Variants in COL22A1 observed in about 807,000 individuals in gnomAD.
COL22A1 encodes collagen alpha-1(XXII) chain.
Under a neutral mutation model 248.9 loss-of-function variants are expected in COL22A1, and 221 were observed. The ratio of observed to expected loss-of-function variants is 0.89; its 90% CI spans 0.80 to 0.99. The LOEUF (loss-of-function observed/expected upper bound fraction) is 0.99, where lower values mean the gene tolerates loss of function less well. Ranked by LOEUF, COL22A1 falls within the 50% of genes least tolerant of loss-of-function variation. COL22A1 has a pLI of 0.00. For synonymous variants in COL22A1, 891 were observed against 793.4 expected (o/e 1.12, Z -2.07); for missense variants, 2,240 against 2,179.0 (o/e 1.03, Z -0.56).
At chr8:138,817,654 G>T (rs2131731755) in intron 7 of COL22A1, among the ~76,000 whole-genome samples, 1 of 152,250 alleles carries the variant, frequency 6.6e-6, no homozygotes, top group African/African-American at 2.4e-5. Context: ...AATACAAATG[G>T]GTACCTTGGA....
chr8:138,600,175 T>C (rs568356741), intron 60 of COL22A1, among the ~76,000 whole-genome samples: 1 of 152,336 alleles, frequency 6.6e-6, no homozygotes, highest in Admixed American at 6.5e-5. Context: ...CCTCTGCCTT[T>C]ATGTGCTACT....
chr8:138,623,834 G>A, intron 51 of COL22A1, 49 bp from the exon 52 acceptor site: 7 of 1,548,946 alleles, frequency 4.5e-6, no homozygotes, highest in Non-Finnish European at 6.2e-6. Flanking sequence ...GATTCGAGGG[G>A]ATGGAAAGAC....
intron 22 of COL22A1, among the ~76,000 whole-genome samples, chr8:138,741,300 C>A (rs1831541499): frequency 6.6e-6 from 1 of 152,188 alleles, no homozygotes; most frequent in Admixed American, 6.5e-5. Flanking sequence ...CTGGGGCCAC[C>A]CAAGAGCTAA....
intron 22 of COL22A1, 142 bp from the exon 23 acceptor site, chr8:138,737,719 A>G (rs1266168493): frequency 1.6e-6 from 1 of 618,822 alleles, no homozygotes; most frequent in Non-Finnish European, 2.9e-6. Context: ...AGTGCCCCAC[A>G]GAGGAACAAT....
intron 2 of COL22A1, among the ~76,000 whole-genome samples, chr8:138,881,590 CAGG>C (rs1392778198): frequency 4.6e-5 from 7 of 152,228 alleles, no homozygotes; most frequent in African/African-American, 1.7e-4. Flanking sequence ...GAGGCTGAGG[CAGG>C]AGAATGGCGT....
intron 21 of COL22A1, among the ~76,000 whole-genome samples, chr8:138,754,797 C>T (rs903335239): frequency 3.3e-5 from 5 of 152,182 alleles, no homozygotes; most frequent in South Asian, 4.1e-4. Flanking sequence ...GTGATTCAGT[C>T]GGCATGTAAG....
At chr8:138,762,829 T>C (rs899809685) in intron 16 of COL22A1, among the ~76,000 whole-genome samples, 12 of 152,290 alleles carry the variant, frequency 7.9e-5, no homozygotes, top group African/African-American at 2.9e-4. Context: ...ATTGCAGGTG[T>C]ATTTTATGCA....
chr8:138,872,124 C>G (rs565053292), intron 3 of COL22A1, among the ~76,000 whole-genome samples: 1 of 152,286 alleles, frequency 6.6e-6, no homozygotes, highest in African/African-American at 2.4e-5. Flanking sequence ...CAGCGAGAAC[C>G]ACAGGTGAAC....
intron 17 of COL22A1, among the ~76,000 whole-genome samples, chr8:138,761,552 T>C (rs1833486346): frequency 1.3e-5 from 2 of 151,384 alleles, no homozygotes; most frequent in Admixed American, 6.6e-5. Flanking sequence ...AGAATATTTA[T>C]TGTAATTCAT....
chr8:138,733,933 G>A (rs1465538693), intron 23 of COL22A1, among the ~76,000 whole-genome samples: 2 of 152,052 alleles, frequency 1.3e-5, no homozygotes, highest in Non-Finnish European at 2.9e-5. Flanking sequence ...CTACCTCTCT[G>A]CCCTAAATCA....
intron 44 of COL22A1, among the ~76,000 whole-genome samples, chr8:138,659,820 C>T (rs767238617): frequency 7.2e-5 from 11 of 152,208 alleles, no homozygotes; most frequent in South Asian, 2.1e-4. Flanking sequence ...TCCCCATCTC[C>T]GCAACCTTTC....
intron 12 of COL22A1, among the ~76,000 whole-genome samples, chr8:138,795,282 G>C (rs1039953409): frequency 1.3e-5 from 2 of 152,098 alleles, no homozygotes; most frequent in Non-Finnish European, 2.9e-5. Flanking sequence ...CTGCCTGGTC[G>C]TACCACTTAA....
intron 3 of COL22A1, among the ~76,000 whole-genome samples, chr8:138,844,528 C>T (rs1050072100): frequency 6.6e-6 from 1 of 152,146 alleles, no homozygotes; most frequent in African/African-American, 2.4e-5. Flanking sequence ...GACACAGATA[C>T]AATAACTAAT....
chr8:138,594,859 A>G (rs1289292391), intron 62 of COL22A1, among the ~76,000 whole-genome samples: 1 of 152,168 alleles, frequency 6.6e-6, no homozygotes, highest in Non-Finnish European at 1.5e-5. Flanking sequence ...CCGATGTCAA[A>G]GTCCTCATCT....
chr8:138,855,135 TAAAAG>T (rs1028349461), intron 3 of COL22A1, among the ~76,000 whole-genome samples: 1 of 152,144 alleles, frequency 6.6e-6, no homozygotes, highest in African/African-American at 2.4e-5. Context: ...AAGGATGGGA[TAAAAG>T]AAAATAAAAA....
chr8:138,643,533 A>G (rs1821905650), intron 47 of COL22A1, among the ~76,000 whole-genome samples: 1 of 152,048 alleles, frequency 6.6e-6, no homozygotes. Context: ...GGCCTAGGGT[A>G]AGGAAAGTGA....
intron 1 of COL22A1, among the ~76,000 whole-genome samples, chr8:138,883,866 G>A (rs1824433753): frequency 6.6e-6 from 1 of 152,094 alleles, no homozygotes; most frequent in Admixed American, 6.5e-5. Context: ...ATTCTTTCTA[G>A]CAGCATGAAA....
intron 22 of COL22A1, among the ~76,000 whole-genome samples, chr8:138,738,258 T>C (rs1009688501): frequency 2.0e-5 from 3 of 152,176 alleles, no homozygotes; most frequent in African/African-American, 4.8e-5. Flanking sequence ...AGTGCATACA[T>C]GTTCAGTATC....
At chr8:138,777,559 C>A (rs779798268) in intron 15 of COL22A1, among the ~76,000 whole-genome samples, 5 of 152,154 alleles carry the variant, frequency 3.3e-5, no homozygotes, top group Non-Finnish European at 7.3e-5. Context: ...TGATGTTCCT[C>A]TCCCTGTGTC....
Sources: allele counts gnomAD v4.1 joint callset (sites outside exome capture counted in the v4.1 genomes callset), GRCh38; gene constraint gnomAD v4.1.1; transcripts MANE v1.5; gene names NCBI Gene and HGNC (gene_info 2026-07-23, HGNC 2026-07-21).